The following PCDHA7 variants were observed in gnomAD, a reference collection of about 807,000 sequenced individuals.
The protein encoded by PCDHA7 is protocadherin alpha 7, also known as protocadherin alpha-7.
Under a neutral mutation model 57.2 loss-of-function variants are expected in PCDHA7, and 37 were observed. The ratio of observed to expected loss-of-function variants is 0.65; its 90% CI spans 0.50 to 0.85. PCDHA7 has a LOEUF of 0.85. PCDHA7 is among the 40% of genes least tolerant of loss of function. PCDHA7 has a pLI of 0.00. For missense variants in PCDHA7, 1,188 were observed against 1,241.8 expected, an observed-to-expected ratio of 0.96 and a Z score of 0.65; for synonymous variants, 553 against 558.8, an observed-to-expected ratio of 0.99 and a Z score of 0.15.
chr5:140,869,429 T>C lies in PCDHA7; in HGVS notation c.2355+32691T>C, dbSNP rs1006497068. ...GAGTGCAGCATCCACCTGGAGGTGA[T>C]CGTGGACAGGCCGCTGCAGGTTTTC... is the stretch of plus-strand genomic sequence containing the variant. On this transcript the variant is annotated intron_variant, in intron 1 of 3. Coordinates refer to ENST00000525929, the MANE Select transcript of PCDHA7 (RefSeq NM_018910.3). The C allele has an allele frequency of 2.2e-5, 35 of 1,614,074 alleles. No homozygotes were observed. The highest frequency in any genetic ancestry group is 3.0e-5 in the Non-Finnish European group (35 of 1,180,048).
At chr5:140,941,718 T>G (rs910042752) in intron 1 of PCDHA7, among the ~76,000 whole-genome samples, 1 of 152,204 alleles carries the variant, frequency 6.6e-6, no homozygotes, top group African/African-American at 2.4e-5. Context: ...CCACAATTTG[T>G]CCTAGCAGTT....
chr5:140,999,527 C>T (rs578180518), intron 3 of PCDHA7, among the ~76,000 whole-genome samples: 27 of 152,206 alleles, frequency 1.8e-4, no homozygotes, highest in African/African-American at 5.8e-4. Flanking sequence ...TTGTTACCCC[C>T]TGGATATGAC....
Position 140,928,756 on chromosome 5 carries a change from C to T in PCDHA7, c.2356-50193C>T. 2.5e-6 allele frequency: 4 copies of T among 1,614,164 alleles called. No individual in the cohort carries two copies. The highest frequency in any genetic ancestry group is 3.4e-6 in the Non-Finnish European group (4 of 1,180,032). On this transcript the variant is annotated intron_variant, in intron 1 of 3. Transcript: ENST00000525929. The stretch of plus-strand genomic sequence containing the variant: ...CAATATAGGTGAGCTCCGTACTGCT[C>T]GCTTAGTTCTTCCCACTGATGCAGT...
chr5:140,834,446 A>G lies in PCDHA7; in HGVS notation c.63A>G (p.Leu21=), dbSNP rs1220656854. 19 of 1,598,524 alleles carry G rather than the reference A, an allele frequency of 1.2e-5. No homozygotes were observed. Among genetic ancestry groups the G allele is most frequent in the Non-Finnish European group, 1.6e-5 (19 of 1,169,856 alleles). The stretch of plus-strand genomic sequence containing the variant: ...ATCTACTGCTGTTTATTATAATTCT[A>G]GCAGCTTGGGAGGCAGGGAGAGGCC... ...GRHLLLFIII[L]AAWEAGRGQL... is the part of the protein sequence containing the mutation. Residue 21 remains leucine (L), a synonymous_variant, in exon 1 of 4, where the codon CTA becomes CTG. Transcript: ENST00000525929.
At chr5:140,863,243 C>G (rs868910592) in intron 1 of PCDHA7, 1 of 1,351,802 alleles carries the variant, frequency 7.4e-7, no homozygotes, top group Non-Finnish European at 1.0e-6. Context: ...CGGGCTTTGG[C>G]GGGCGTCGAG....
intron 1 of PCDHA7, among the ~76,000 whole-genome samples, chr5:140,954,919 C>T (rs246021): frequency 4.6e-5 from 7 of 151,890 alleles, no homozygotes; most frequent in African/African-American, 1.7e-4. Flanking sequence ...TTATGAATTA[C>T]GTCTTTAATT....
intron 1 of PCDHA7, chr5:140,869,729 A>C (rs1554163384): frequency 6.2e-7 from 1 of 1,613,280 alleles, no homozygotes; most frequent in Admixed American, 1.7e-5. Context: ...CCGGAACTTA[A>C]TTTGCTGCTA....
chr5:140,876,022 A>G lies in PCDHA7; in HGVS notation c.2355+39284A>G, dbSNP rs782132751. ...TGAGAATTTTGAGCTTAAAATAAAA[A>G]CAAAAAAAGATAAAAGTATATTGCC... On this transcript the variant is annotated intron_variant, in intron 1 of 3. Coordinates refer to ENST00000525929, the MANE Select transcript of PCDHA7 (RefSeq NM_018910.3). 1.7e-5 allele frequency: 28 copies of G among 1,613,632 alleles called. No homozygotes were observed. The highest frequency in any genetic ancestry group is 2.2e-5 in the Non-Finnish European group (26 of 1,179,850).
At chr5:140,853,080 C>A in intron 1 of PCDHA7, 1 of 301,148 alleles carries the variant, frequency 3.3e-6, no homozygotes, top group Non-Finnish European at 5.0e-6. Context: ...GGGGTTTCAC[C>A]GTGTTAGTCA....
At chr5:140,998,094 GCAAA>G (rs1182835904) in intron 3 of PCDHA7, among the ~76,000 whole-genome samples, 7 of 152,226 alleles carry the variant, frequency 4.6e-5, no homozygotes, top group African/African-American at 1.4e-4. Flanking sequence ...AAATGCTAGA[GCAAA>G]CAGAGGAGAA....
At chr5:140,883,138 A>G (rs967946520) in intron 1 of PCDHA7, 3 of 1,614,120 alleles carry the variant, frequency 1.9e-6, no homozygotes, top group Non-Finnish European at 2.5e-6. Flanking sequence ...CTGCAGTGGT[A>G]TATGCATTTA....
At chr5:140,897,591 T>C (rs542451957) in intron 1 of PCDHA7, among the ~76,000 whole-genome samples, 1 of 152,312 alleles carries the variant, frequency 6.6e-6, no homozygotes, top group African/African-American at 2.4e-5. Flanking sequence ...TCTGTCATTG[T>C]TGGACATTTG....
intron 1 of PCDHA7, among the ~76,000 whole-genome samples, chr5:140,938,233 A>AC (rs1329361250): frequency 6.6e-6 from 1 of 152,210 alleles, no homozygotes; most frequent in African/African-American, 2.4e-5. Context: ...GGCATAGGCC[A>AC]CCATGCCTGG....
At chr5:140,878,859 C>T (rs2057755620) in intron 1 of PCDHA7, among the ~76,000 whole-genome samples, 1 of 152,188 alleles carries the variant, frequency 6.6e-6, no homozygotes, top group African/African-American at 2.4e-5. Flanking sequence ...TTCAACTGAT[C>T]CTCCATTTCA....
At chr5:140,906,323 A>C (rs1487570044) in intron 1 of PCDHA7, among the ~76,000 whole-genome samples, 1 of 152,212 alleles carries the variant, frequency 6.6e-6, no homozygotes, top group Admixed American at 6.5e-5. Flanking sequence ...AACATGATAC[A>C]ACTATCCTTC....
At chr5:140,923,752 G>A (rs1004241488) in intron 1 of PCDHA7, among the ~76,000 whole-genome samples, 1 of 152,186 alleles carries the variant, frequency 6.6e-6, no homozygotes, top group Non-Finnish European at 1.5e-5. Context: ...GAGGCATATG[G>A]TGGGACAAAT....
intron 1 of PCDHA7, chr5:140,856,278 A>G (rs1428005980): frequency 4.4e-6 from 7 of 1,598,190 alleles, no homozygotes; most frequent in Non-Finnish European, 6.0e-6. Context: ...CTGGAGGTAA[A>G]TCTGCAGAAT....
rs200850648 is a variant in PCDHA7, at chr5:140,842,182, T to C, written c.2355+5444T>C. 3.0e-4 allele frequency: 478 copies of C among 1,613,232 alleles called. 6 individuals carry two copies. Among genetic ancestry groups the C allele is most frequent in the African/African-American group, 2.2e-3 (164 of 74,868 alleles). ...ATTCTTTTAATAGCCTTGTTGAAAC[T>C]ATGGTTATTGACCACTTTAGCATAG... is the stretch of plus-strand genomic sequence containing the variant. On this transcript the variant is annotated intron_variant, in intron 1 of 3. Coordinates refer to ENST00000525929, the MANE Select transcript of PCDHA7 (RefSeq NM_018910.3).
rs782776948 is a variant in PCDHA7 at position 141,009,898 on chromosome 5, A to T, written c.2775A>T (p.Lys925Asn). The T allele has an allele frequency of 5.6e-6, 9 of 1,613,182 alleles. No individual in the cohort carries two copies. Among genetic ancestry groups the T allele is most frequent in the Admixed American group, 1.7e-5 (1 of 59,722 alleles). The change falls in exon 4 of 4, where the codon AAA (lysine) becomes AAT (asparagine). Residue 925 changes from lysine (K) to asparagine (N), a missense_variant. Physicochemically the swap from Lys to Asn is moderately conservative, Grantham distance 94 (BLOSUM62 0). Around this residue, in one of 3 missense-constraint regions of PCDHA7, gnomAD observed 892 missense variants for 788.5 expected, o/e 1.13. Transcript: ENST00000525929. ...AGGGTAACAAGACCCAGGAGAAAAA[A>T]GAGAAAGGGAACAGCACGACTGACA... ...KKKGNKTQEK[K>N]EKGNSTTDNS...
Sources: allele counts gnomAD v4.1 joint callset (sites outside exome capture counted in the v4.1 genomes callset), GRCh38; gene constraint gnomAD v4.1.1; regional missense constraint gnomAD v4.1.1; transcripts MANE v1.5; gene names NCBI Gene and HGNC (gene_info 2026-07-23, HGNC 2026-07-21).